Variants in APOLD1 observed in about 807,000 individuals in gnomAD.
APOLD1 encodes apolipoprotein L domain-containing protein 1.
APOLD1 carries 22 observed loss-of-function variants against 15.3 expected under a neutral mutation model. The ratio of observed to expected loss-of-function variants is 1.44; its 90% CI spans 1.03 to 2.05. The LOEUF (loss-of-function observed/expected upper bound fraction) is 2.05, where lower values mean the gene tolerates loss of function less well. APOLD1 is among the 30% of genes most tolerant of loss of function. APOLD1 has a pLI of 0.00. For missense variants in APOLD1, 394 were observed against 353.5 expected (o/e 1.11, Z -0.92); for synonymous variants, 190 against 167.4 (o/e 1.13, Z -1.04).
intron 1 of APOLD1, among the ~76,000 whole-genome samples, chr12:12,764,951 C>G (rs906555614): frequency 9.9e-5 from 15 of 152,198 alleles, no homozygotes; most frequent in Non-Finnish European, 1.5e-5. Context: ...AGCAGCTCTT[C>G]TCTAAGCAGC....
chr12:12,787,095 G>T lies in APOLD1; in HGVS notation c.190G>T (p.Ala64Ser), dbSNP rs750553294. The T allele has an allele frequency of 1.4e-5, 20 of 1,405,700 alleles. No homozygotes were observed. Among genetic ancestry groups the T allele is most frequent in the Non-Finnish European group, 1.7e-5 (18 of 1,090,850 alleles). 87.1% of individuals were successfully genotyped at this position (1,405,700 alleles called of 1,614,324 possible). A position where few individuals can be genotyped will look rare whatever the true frequency, so the allele number is the denominator to read the frequency against. ...CAACGTGGCCGGCAGCTCGCTGAGC[G>T]CAACGGGCGCCCTCGCCGCCATCGT... ...VANVAGSSLS[A>S]TGALAAIVGL... Residue 64 changes from alanine to serine, a missense_variant, in exon 2 of 2, where the codon GCA (alanine) becomes TCA (serine). By Grantham distance (99) the Ala-to-Ser change is moderately conservative. Transcript: ENST00000356591. The surrounding 1 kb of genome is among the most constrained non-coding windows in gnomAD (Gnocchi z 4.9).
chr12:12,726,265 T>A, intron 1 of APOLD1: 1 of 728,534 alleles, frequency 1.4e-6, no homozygotes, highest in Non-Finnish European at 2.4e-6. Context: ...TTTATTGAAT[T>A]AAATTTTAAA....
At chr12:12,754,826 G>T (rs1467478263) in intron 1 of APOLD1, among the ~76,000 whole-genome samples, 1 of 150,272 alleles carries the variant, frequency 6.7e-6, no homozygotes, top group Non-Finnish European at 1.5e-5. Flanking sequence ...CATCGCTTGA[G>T]GCCAGCAGTT....
intron 1 of APOLD1, among the ~76,000 whole-genome samples, chr12:12,727,066 A>C (rs889633199): frequency 1.3e-5 from 2 of 152,222 alleles, no homozygotes; most frequent in African/African-American, 4.8e-5. Flanking sequence ...TTCAAAGTCT[A>C]TTCCAGACCC....
At chr12:12,760,471 T>G (rs1268238940) in intron 1 of APOLD1, among the ~76,000 whole-genome samples, 1 of 151,706 alleles carries the variant, frequency 6.6e-6, no homozygotes, top group Non-Finnish European at 1.5e-5. Context: ...AACCCCGTCT[T>G]TACTAAAAAT....
At chr12:12,785,279 T>C (rs184481963), upstream of APOLD1, among the ~76,000 whole-genome samples, 2 of 152,312 alleles carry the variant, frequency 1.3e-5, no homozygotes, top group Non-Finnish European at 2.9e-5. Flanking sequence ...TTTTAAAATA[T>C]GATTTTGTAA....
chr12:12,735,561 G>C (rs929404619), intron 1 of APOLD1, among the ~76,000 whole-genome samples: 1 of 152,152 alleles, frequency 6.6e-6, no homozygotes, highest in Non-Finnish European at 1.5e-5. Context: ...GCTGTGGCTG[G>C]AGTGATGGGC....
chr12:12,767,430 G>A (rs561933455), intron 1 of APOLD1, among the ~76,000 whole-genome samples: 1 of 152,296 alleles, frequency 6.6e-6, no homozygotes, highest in East Asian at 1.9e-4. Flanking sequence ...GGGAGGCCGA[G>A]GTGGGTGGGT....
At chr12:12,786,751 C>T in intron 1 of APOLD1, 158 bp from the exon 2 acceptor site, 8 of 985,434 alleles carry the variant, frequency 8.1e-6, no homozygotes, top group Non-Finnish European at 9.6e-6. Context: ...TCTTTGAGAA[C>T]TCGTCTCATG....
intron 1 of APOLD1, among the ~76,000 whole-genome samples, chr12:12,758,429 C>T (rs530616429): frequency 7.2e-5 from 11 of 152,044 alleles, no homozygotes; most frequent in Admixed American, 3.9e-4. Flanking sequence ...CCTGTAATCC[C>T]GGCTATTAAG....
In APOLD1 at chr12:12,787,067, A is replaced by G; in HGVS notation, c.162A>G (p.Val54=). 7.2e-7 allele frequency: 1 copy of G among 1,393,144 alleles called. No homozygotes were observed. Among genetic ancestry groups the G allele is most frequent in the South Asian group, 1.6e-5 (1 of 62,232 alleles). 86.3% of individuals were successfully genotyped at this position (1,393,144 alleles called of 1,614,324 possible). A position where few individuals can be genotyped will look rare whatever the true frequency, so the allele number is the denominator to read the frequency against. ...RLERLRRRSL[V]ANVAGSSLSA... is the part of the protein sequence containing the mutation. Reference sequence around the variant, plus strand: ...AGCGCCTGCGCAGGCGCTCCCTCGTAGCCAACGTGGCCGGCAGCTCGCTGA... The same window carrying G: ...AGCGCCTGCGCAGGCGCTCCCTCGTGGCCAACGTGGCCGGCAGCTCGCTGA... The change falls in exon 2 of 2, where the codon GTA becomes GTG. Residue 54 remains valine (V), a synonymous_variant. Coordinates refer to ENST00000356591, the MANE Select transcript of APOLD1 (RefSeq NM_030817.3). This position sits in a 1 kb window ranked among gnomAD's most constrained non-coding sequence, Gnocchi z 4.9.
Position 12,736,365 on chromosome 12 carries a change from C to CA in APOLD1, c.96+10273dup, listed in dbSNP as rs111417340. 2.2e-3 allele frequency among the ~76,000 whole-genome samples: 208 copies of CA among 96,484 alleles called. 1 individual carries two copies. Among genetic ancestry groups the CA allele is most frequent in the African/African-American group, 8.1e-3 (202 of 24,970 alleles). The allele number at this position is 96,484 out of a possible 152,430, so 63.3% of individuals were successfully genotyped here. ...AGAGTCTGTCTCAAAAAAAACAAAA[C>CA]AAAACAAAAAAACTAGCTGGGCATG... On this transcript the variant is annotated intron_variant, in intron 1 of 1. Transcript: ENST00000326765.
chr12:12,750,661 T>A (rs1369804037), intron 1 of APOLD1, among the ~76,000 whole-genome samples: 1 of 151,848 alleles, frequency 6.6e-6, no homozygotes, highest in African/African-American at 2.4e-5. Context: ...AGTATACTTT[T>A]GTCATGTAAT....
intron 1 of APOLD1, among the ~76,000 whole-genome samples, chr12:12,780,444 A>G (rs1332485768): frequency 6.6e-6 from 1 of 151,946 alleles, no homozygotes; most frequent in Non-Finnish European, 1.5e-5. Flanking sequence ...CTGGGATTAC[A>G]GGCATAAGCC....
Position 12,787,521 on chromosome 12 carries a change from C to T in APOLD1, c.616C>T (p.Leu206=), listed in dbSNP as rs146988738. The T allele has an allele frequency of 4.9e-5, 79 of 1,613,900 alleles. 1 individual carries two copies. The African/African-American group carries it at 9.5e-4, about 19-fold the overall frequency. ...KAKIQKLAES[L]ESCTGALDEL... Reference sequence around the variant, plus strand: ...CAAGATTCAGAAACTGGCCGAGAGCCTGGAGTCCTGCACCGGGGCTCTGGA... The same window carrying T: ...CAAGATTCAGAAACTGGCCGAGAGCTTGGAGTCCTGCACCGGGGCTCTGGA... The change falls in exon 2 of 2, where the codon CTG becomes TTG. Residue 206 remains leucine, a synonymous_variant. Coordinates refer to ENST00000356591, the MANE Select transcript of APOLD1 (RefSeq NM_030817.3). The surrounding 1 kb of genome is among the most constrained non-coding windows in gnomAD (Gnocchi z 4.9).
chr12:12,786,793 T>G (rs1947128250), intron 1 of APOLD1, 116 bp from the exon 2 acceptor site: 1 of 1,302,938 alleles, frequency 7.7e-7, no homozygotes, highest in Non-Finnish European at 9.7e-7. Context: ...TCCCCTAGCG[T>G]GGCAGTGGCT....
intron 1 of APOLD1, among the ~76,000 whole-genome samples, chr12:12,770,722 T>G (rs2136391952): frequency 6.6e-6 from 1 of 150,908 alleles, no homozygotes; most frequent in East Asian, 1.9e-4. Flanking sequence ...CCCAAGCCAG[T>G]GTCAGACACC....
chr12:12,791,403 T>C lies in APOLD1; in HGVS notation c.*3751T>C, dbSNP rs1316993034. On this transcript the variant is annotated 3_prime_UTR_variant, in exon 2 of 2. Transcript: ENST00000356591. ...TTAAATGTAGCAACTCTTGAGTTCA[T>C]TTTTTCCCACTGTAGCAAAATTAAT... The C allele has an allele frequency of 6.6e-6, 1 of 152,226 alleles. No homozygotes were observed. The highest frequency in any genetic ancestry group is 2.4e-5 in the African/African-American group (1 of 41,468). 9.4% of individuals were successfully genotyped at this position (152,226 alleles called of 1,614,324 possible).
intron 1 of APOLD1, among the ~76,000 whole-genome samples, chr12:12,780,210 A>G (rs1296216545): frequency 6.6e-6 from 1 of 151,914 alleles, no homozygotes; most frequent in Non-Finnish European, 1.5e-5. Flanking sequence ...AATCATGGGC[A>G]AAAATCCTCA....
Sources: gnomAD v4.1 joint callset for allele counts (sites outside exome capture counted in the v4.1 genomes callset) on GRCh38, gnomAD v4.1.1 for gene constraint, Gnocchi (gnomAD v3.1) non-coding constraint, MANE v1.5 for transcripts, NCBI Gene and HGNC (gene_info 2026-07-23, HGNC 2026-07-21) for gene names.